The following RFC3 variants were observed in gnomAD, a reference collection of about 807,000 sequenced individuals.
RFC3 encodes the protein replication factor C subunit 3, also known as A1 38 kDa subunit.
In RFC3, 41 loss-of-function variants were observed where a neutral mutation model predicts 45.1. The observed-to-expected ratio is 0.91, with a 90% CI of 0.71 to 1.18. The LOEUF (loss-of-function observed/expected upper bound fraction) is 1.18, where lower values mean the gene tolerates loss of function less well. RFC3 is among the 50% of genes most tolerant of loss of function. The pLI is 0.00. For missense variants in RFC3, 423 were observed against 428.1 expected, an observed-to-expected ratio of 0.99 and a Z score of 0.10; for synonymous variants, 149 against 144.0, an observed-to-expected ratio of 1.03 and a Z score of -0.25.
intron 8 of RFC3, among the ~76,000 whole-genome samples, chr13:33,933,171 G>A (rs117400222): frequency 1.4e-4 from 21 of 152,190 alleles, no homozygotes; most frequent in Non-Finnish European, 1.9e-4. Context: ...ATCTGTGGTC[G>A]TCTTTCTTTT....
At chr13:33,847,980 G>A (rs1405000656) in intron 8 of RFC3, 3 of 152,032 alleles carry the variant, frequency 2.0e-5, no homozygotes, top group Admixed American at 6.5e-5. Flanking sequence ...CTTTATTCTC[G>A]ACTCTCTGCT....
downstream of RFC3, among the ~76,000 whole-genome samples, chr13:33,970,099 T>G (rs2083103949): frequency 6.6e-6 from 1 of 152,012 alleles, no homozygotes; most frequent in Non-Finnish European, 1.5e-5. Flanking sequence ...CCCTCCACCC[T>G]CCAACAGACC....
At chr13:33,970,781 A>G (rs2083106506), downstream of RFC3, among the ~76,000 whole-genome samples, 1 of 152,220 alleles carries the variant, frequency 6.6e-6, no homozygotes, top group African/African-American at 2.4e-5. Flanking sequence ...GCGCATACAC[A>G]CCAACTCTCT....
chr13:33,839,248 A>G (rs2082179892), downstream of RFC3, among the ~76,000 whole-genome samples: 1 of 152,072 alleles, frequency 6.6e-6, no homozygotes, highest in Non-Finnish European at 1.5e-5. Context: ...TTAATTTCTG[A>G]TTTGTCTGTC....
At chr13:33,909,880 G>T (rs1282016457) in intron 8 of RFC3, among the ~76,000 whole-genome samples, 1 of 152,060 alleles carries the variant, frequency 6.6e-6, no homozygotes, top group East Asian at 1.9e-4. Context: ...CTATGTGTTG[G>T]GTTCTATGTT....
At chr13:33,974,897 C>G in the RFC3 span, among the ~76,000 whole-genome samples, 4 of 152,086 alleles carry the variant, frequency 2.6e-5, no homozygotes, top group Non-Finnish European at 5.9e-5. Context: ...CCTGATAATA[C>G]TAACTGATGG....
intron 5 of RFC3, among the ~76,000 whole-genome samples, chr13:33,830,500 A>G (rs534532050): frequency 6.6e-6 from 1 of 152,340 alleles, no homozygotes; most frequent in East Asian, 1.9e-4. Context: ...CACATTAAAT[A>G]TCTTTCCAGC....
At chr13:33,952,932 C>A (rs1276120334) in intron 8 of RFC3, among the ~76,000 whole-genome samples, 1 of 152,156 alleles carries the variant, frequency 6.6e-6, no homozygotes, top group East Asian at 1.9e-4. Flanking sequence ...GAAGATATTT[C>A]ATTCCTTTGT....
intron 8 of RFC3, among the ~76,000 whole-genome samples, chr13:33,930,988 T>G (rs944103051): frequency 6.6e-6 from 1 of 152,094 alleles, no homozygotes; most frequent in African/African-American, 2.4e-5. Context: ...TTCTTAGAGT[T>G]TTTTTTAGTG....
At chr13:33,930,071 C>A (rs1004419623) in intron 8 of RFC3, among the ~76,000 whole-genome samples, 3 of 151,906 alleles carry the variant, frequency 2.0e-5, no homozygotes, top group African/African-American at 7.3e-5. Flanking sequence ...CTTTATTTTT[C>A]TTTTATTACT....
chr13:33,949,466 C>T (rs1310978446), intron 8 of RFC3, among the ~76,000 whole-genome samples: 1 of 152,116 alleles, frequency 6.6e-6, no homozygotes, highest in Non-Finnish European at 1.5e-5. Context: ...CGTTAAGCAC[C>T]GTACTCAATT....
At chr13:33,859,112 T>G (rs1355954602) in intron 8 of RFC3, among the ~76,000 whole-genome samples, 1 of 152,228 alleles carries the variant, frequency 6.6e-6, no homozygotes, top group African/African-American at 2.4e-5. Context: ...ACACCATGAT[T>G]TTATTTGACA....
At chr13:33,882,007 C>A (rs1445973872) in intron 8 of RFC3, among the ~76,000 whole-genome samples, 1 of 152,122 alleles carries the variant, frequency 6.6e-6, no homozygotes, top group African/African-American at 2.4e-5. Context: ...AATTATTTAA[C>A]CTGTTTGAAT....
Position 33,898,485 on chromosome 13 carries a change from A to C in RFC3, c.879+63268A>C, listed in dbSNP as rs143977130. ...TGCAAATGGAAATAAAACATACCAA[A>C]ATCTATGGGATACCGAAAAAGCAGT... On this transcript the variant is annotated intron_variant, in intron 8 of 8. Transcript: ENST00000434425. Among the ~76,000 whole-genome samples, 1,048 of 152,010 alleles carry C rather than the reference A, an allele frequency of 6.9e-3. 11 individuals are homozygous for C. Among genetic ancestry groups the C allele is most frequent in the Non-Finnish European group, 0.011 (728 of 67,850 alleles).
In RFC3 at chr13:33,876,654, CAT is replaced by C. The variant is rs374282373; in HGVS notation, c.879+41438_879+41439del. On this transcript the variant is annotated intron_variant, in intron 8 of 8. Transcript: ENST00000434425. ...GCAATTTATTTTAGAATTTCTAACACATGAGAAGGTATTGAACTGACCTCCAA... is the reference window on the plus strand; with the variant it reads ...GCAATTTATTTTAGAATTTCTAACACGAGAAGGTATTGAACTGACCTCCAA... 2.6e-3 allele frequency among the ~76,000 whole-genome samples: 400 copies of C among 152,262 alleles called. 2 individuals are homozygous for C. The highest frequency in any genetic ancestry group is 4.4e-3 in the Non-Finnish European group (302 of 68,018).
chr13:33,950,231 C>A (rs1482432603), intron 8 of RFC3, among the ~76,000 whole-genome samples: 1 of 152,056 alleles, frequency 6.6e-6, no homozygotes, highest in East Asian at 1.9e-4. Flanking sequence ...TTTACTGTTT[C>A]TTCAGGGATG....
Position 33,821,068 on chromosome 13 carries a change from A to G in RFC3, c.88-64A>G, listed in dbSNP as rs2081998182. ...ATAAAATATTTGTTACTTAAAAAGT[A>G]GTTTGGTTCTACCTAGAGCAGTTCA... is the stretch of plus-strand genomic sequence containing the variant. On this transcript the variant is annotated intron_variant, in intron 1 of 8. Coordinates refer to ENST00000380071, the MANE Select transcript of RFC3 (RefSeq NM_002915.4). 16 of 1,496,838 alleles carry G rather than the reference A, an allele frequency of 1.1e-5. No homozygotes were observed. The South Asian group carries it at 1.6e-4, about 15-fold the overall frequency. 92.7% of individuals were successfully genotyped at this position (1,496,838 alleles called of 1,614,324 possible).
chr13:33,896,236 A>T (rs1433664482), intron 8 of RFC3, among the ~76,000 whole-genome samples: 11 of 151,732 alleles, frequency 7.2e-5, no homozygotes. Context: ...TAATATAAAA[A>T]GAAAGTATAA....
intron 8 of RFC3, among the ~76,000 whole-genome samples, chr13:33,869,999 G>A (rs1342817015): frequency 6.6e-6 from 1 of 152,158 alleles, no homozygotes. Context: ...TCCACAAAGG[G>A]AACGAGCAAT....
Sources: allele counts gnomAD v4.1 joint callset (sites outside exome capture counted in the v4.1 genomes callset), GRCh38; gene constraint gnomAD v4.1.1; transcripts MANE v1.5; gene names NCBI Gene and HGNC (gene_info 2026-07-23, HGNC 2026-07-21).